Variants in LRRC4C observed in about 807,000 individuals in gnomAD.
The protein encoded by LRRC4C is leucine-rich repeat-containing protein 4C.
LRRC4C carries 5 observed loss-of-function variants against 33.6 expected under a neutral mutation model. The observed-to-expected ratio is 0.15, with a 90% CI of 0.08 to 0.31. The LOEUF is 0.31. LRRC4C is among the 10% of genes least tolerant of loss of function. The pLI is 1.00. For missense variants in LRRC4C, 560 were observed against 796.7 expected, an observed-to-expected ratio of 0.70 and a Z score of 3.58; for synonymous variants, 329 against 302.0, an observed-to-expected ratio of 1.09 and a Z score of -0.93.
intron 1 of LRRC4C, among the ~76,000 whole-genome samples, chr11:40,968,932 A>G (rs1252098550): frequency 1.3e-5 from 2 of 152,138 alleles, no homozygotes; most frequent in Non-Finnish European, 2.9e-5. Flanking sequence ...AAGACGTTTT[A>G]TTTAAGAAAC....
At chr11:41,157,889 T>C (rs1944303440) in intron 1 of LRRC4C, among the ~76,000 whole-genome samples, 1 of 147,588 alleles carries the variant, frequency 6.8e-6, no homozygotes, top group South Asian at 2.1e-4. Flanking sequence ...GTTTATCCAT[T>C]GTGTTACAAA....
At chr11:40,914,446 C>A (rs1214111821) in intron 2 of LRRC4C, among the ~76,000 whole-genome samples, 2 of 151,812 alleles carry the variant, frequency 1.3e-5, no homozygotes, top group Non-Finnish European at 3.0e-5. Context: ...ATGACAAAAA[C>A]CACATGATTA....
At chr11:40,981,271 T>C (rs1226721160) in intron 1 of LRRC4C, among the ~76,000 whole-genome samples, 1 of 151,934 alleles carries the variant, frequency 6.6e-6, no homozygotes, top group African/African-American at 2.4e-5. Context: ...AAACTTAGCC[T>C]GGCGTGGTGG....
At chr11:40,960,460 C>T (rs148759818) in intron 1 of LRRC4C, among the ~76,000 whole-genome samples, 8 of 151,822 alleles carry the variant, frequency 5.3e-5, no homozygotes, top group African/African-American at 1.9e-4. Flanking sequence ...TCTATGATTA[C>T]TGTTTAACTC....
At chr11:40,412,918 C>T (rs1386455030) in intron 3 of LRRC4C, among the ~76,000 whole-genome samples, 1 of 151,982 alleles carries the variant, frequency 6.6e-6, no homozygotes, top group Non-Finnish European at 1.5e-5. Context: ...AAATTATTAG[C>T]TATCATTGTT....
intron 1 of LRRC4C, among the ~76,000 whole-genome samples, chr11:41,371,501 A>G: frequency 6.6e-6 from 1 of 152,166 alleles, no homozygotes; most frequent in East Asian, 1.9e-4. Context: ...CCTTCATCTC[A>G]GTTGTGGGAC....
intron 2 of LRRC4C, among the ~76,000 whole-genome samples, chr11:40,665,694 G>A (rs1039293428): frequency 2.6e-5 from 4 of 151,806 alleles, no homozygotes; most frequent in Non-Finnish European, 4.4e-5. Context: ...ATTTTTAAAT[G>A]CTTTTGAGGA....
chr11:41,089,919 C>G (rs1399848455), intron 1 of LRRC4C, among the ~76,000 whole-genome samples: 2 of 151,572 alleles, frequency 1.3e-5, no homozygotes, highest in African/African-American at 4.8e-5. Flanking sequence ...TAGAAGTGAT[C>G]ACTGGGAATT....
intron 2 of LRRC4C, among the ~76,000 whole-genome samples, chr11:40,916,657 C>T (rs540114952): frequency 9.6e-4 from 145 of 151,682 alleles, no homozygotes; most frequent in Non-Finnish European, 1.5e-3. Flanking sequence ...TGTAACAAAC[C>T]TGCACGTTGT....
intron 2 of LRRC4C, among the ~76,000 whole-genome samples, chr11:40,814,104 G>T (rs574048872): frequency 6.6e-6 from 1 of 152,260 alleles, no homozygotes; most frequent in East Asian, 1.9e-4. Context: ...GCAACTCTGT[G>T]TGGGGGCTCC....
chr11:40,611,887 A>G (rs1458807898), intron 3 of LRRC4C, among the ~76,000 whole-genome samples: 1 of 151,472 alleles, frequency 6.6e-6, no homozygotes, highest in Non-Finnish European at 1.5e-5. Context: ...AATAAGAAGT[A>G]TTGATGAGAA....
chr11:41,282,076 A>G (rs1200134064), intron 1 of LRRC4C, among the ~76,000 whole-genome samples: 1 of 152,180 alleles, frequency 6.6e-6, no homozygotes, highest in African/African-American at 2.4e-5. Flanking sequence ...CCAGCCATGA[A>G]TATATTGTGT....
At chr11:40,671,885 T>A (rs1944141470) in intron 2 of LRRC4C, among the ~76,000 whole-genome samples, 1 of 152,032 alleles carries the variant, frequency 6.6e-6, no homozygotes, top group African/African-American at 2.4e-5. Flanking sequence ...AATGTACATT[T>A]TTCAAAAACG....
chr11:41,025,504 A>G (rs982919970), intron 1 of LRRC4C, among the ~76,000 whole-genome samples: 2 of 144,192 alleles, frequency 1.4e-5, no homozygotes, highest in African/African-American at 5.1e-5. Flanking sequence ...CTTCATTTCT[A>G]TAAAGGCCTG....
chr11:41,369,868 T>C (rs559841927), intron 1 of LRRC4C, among the ~76,000 whole-genome samples: 6 of 152,316 alleles, frequency 3.9e-5, no homozygotes, highest in Admixed American at 3.3e-4. Context: ...ATTTGCATGA[T>C]GACAAGGACT....
chr11:40,525,830 C>A (rs1956025397), intron 3 of LRRC4C, among the ~76,000 whole-genome samples: 1 of 151,774 alleles, frequency 6.6e-6, no homozygotes, highest in African/African-American at 2.4e-5. Context: ...TCCCAGATAT[C>A]GAGATTGATT....
At chr11:41,338,649 G>A (rs539223334) in intron 1 of LRRC4C, among the ~76,000 whole-genome samples, 4 of 152,168 alleles carry the variant, frequency 2.6e-5, no homozygotes, top group African/African-American at 7.2e-5. Context: ...GCGCATGTAT[G>A]CCTATGTAAC....
intron 2 of LRRC4C, among the ~76,000 whole-genome samples, chr11:40,886,969 C>CACGTGTGTGTATATATACAT (rs1565170358): frequency 2.8e-5 from 4 of 145,208 alleles, no homozygotes; most frequent in Non-Finnish European, 6.0e-5. Flanking sequence ...TATATATATA[C>CACGTGTGTGTATATATACAT]ATATATATAT....
chr11:40,156,665 CAAAA>C (rs1040799766), intron 5 of LRRC4C, among the ~76,000 whole-genome samples: 1 of 151,300 alleles, frequency 6.6e-6, no homozygotes, highest in Admixed American at 6.6e-5. Context: ...ACCAAACAAA[CAAAA>C]AAACCCAACA....
Sources: allele counts gnomAD v4.1 joint callset (sites outside exome capture counted in the v4.1 genomes callset), GRCh38; gene constraint gnomAD v4.1.1; transcripts MANE v1.5; gene names NCBI Gene and HGNC (gene_info 2026-07-23, HGNC 2026-07-21).